CPNE4: variants seen among roughly 807,000 people sequenced by gnomAD.
The protein encoded by CPNE4 is copine 4, also known as copine-4.
Under a neutral mutation model 67.9 loss-of-function variants are expected in CPNE4, and 25 were observed. That is an observed-to-expected ratio of 0.37 (90% confidence interval 0.27 to 0.51). The LOEUF (loss-of-function observed/expected upper bound fraction) is 0.51. Ranked by LOEUF, CPNE4 falls within the 20% of genes least tolerant of loss-of-function variation. The probability of loss-of-function intolerance (pLI) is 0.93; values close to 1 mark genes in which losing one functional copy is unlikely to be tolerated. For synonymous variants in CPNE4, 242 were observed against 244.9 expected, an observed-to-expected ratio of 0.99 and a Z score of 0.11; for missense variants, 464 against 690.8, an observed-to-expected ratio of 0.67 and a Z score of 3.68.
At chr3:131,657,247 A>G (rs376659438) in intron 7 of CPNE4, among the ~76,000 whole-genome samples, 9 of 152,336 alleles carry the variant, frequency 5.9e-5, no homozygotes, top group African/African-American at 1.9e-4. Context: ...CCCTAAAGAC[A>G]TTAATTAATT....
At chr3:131,818,803 G>A (rs4092640) in intron 2 of CPNE4, among the ~76,000 whole-genome samples, 32,898 of 152,076 alleles carry the variant, frequency 0.22, 3,841 homozygotes, top group Admixed American at 0.33. Flanking sequence ...TTAAGTAAGT[G>A]GTAAAACCAG....
At chr3:131,652,218 A>G (rs2079831440) in intron 7 of CPNE4, among the ~76,000 whole-genome samples, 1 of 152,222 alleles carries the variant, frequency 6.6e-6, no homozygotes, top group Admixed American at 6.5e-5. Flanking sequence ...TGATAAACTC[A>G]TTTTAGAAAG....
At chr3:131,603,273 A>G (rs1939309564) in intron 7 of CPNE4, among the ~76,000 whole-genome samples, 6 of 152,222 alleles carry the variant, frequency 3.9e-5, no homozygotes, top group Admixed American at 3.9e-4. Context: ...TTAAACAGCA[A>G]TAAAGATGGG....
At chr3:131,792,032 G>C (rs1186469384) in intron 2 of CPNE4, among the ~76,000 whole-genome samples, 1 of 152,110 alleles carries the variant, frequency 6.6e-6, no homozygotes, top group Non-Finnish European at 1.5e-5. Flanking sequence ...ACTAGGACCA[G>C]AAAATGCCTA....
intron 1 of CPNE4, among the ~76,000 whole-genome samples, chr3:131,938,768 A>G (rs1424435298): frequency 2.0e-5 from 3 of 152,090 alleles, no homozygotes; most frequent in Admixed American, 2.0e-4. Flanking sequence ...CCCTCAACAC[A>G]TGAGGATTAC....
At chr3:131,719,544 C>T (rs1369239405) in intron 3 of CPNE4, among the ~76,000 whole-genome samples, 1 of 152,200 alleles carries the variant, frequency 6.6e-6, no homozygotes, top group Non-Finnish European at 1.5e-5. Flanking sequence ...TTGTTCACCC[C>T]ACTCCAGCCA....
intron 2 of CPNE4, among the ~76,000 whole-genome samples, chr3:131,836,651 T>C (rs1394519577): frequency 6.6e-6 from 1 of 152,184 alleles, no homozygotes; most frequent in Non-Finnish European, 1.5e-5. Flanking sequence ...TGTCTCTGCA[T>C]GACCAAGGAT....
At chr3:131,734,070 C>A (rs2082184115) in intron 2 of CPNE4, among the ~76,000 whole-genome samples, 1 of 152,182 alleles carries the variant, frequency 6.6e-6, no homozygotes. Flanking sequence ...CTCTCCTTCA[C>A]CAAGTCCTTT....
At chr3:131,711,542 C>T (rs2081557477) in intron 3 of CPNE4, among the ~76,000 whole-genome samples, 1 of 152,272 alleles carries the variant, frequency 6.6e-6, no homozygotes, top group South Asian at 2.1e-4. Context: ...CCACCCTGGG[C>T]TTACCTGGAT....
intron 1 of CPNE4, among the ~76,000 whole-genome samples, chr3:131,917,341 A>G (rs542083085): frequency 1.3e-5 from 2 of 152,204 alleles, no homozygotes; most frequent in African/African-American, 4.8e-5. Flanking sequence ...AAGATGTAGC[A>G]TGTGAGCCGA....
chr3:131,758,714 C>A lies in CPNE4; in HGVS notation c.181-35089G>T, dbSNP rs573131712. Among the ~76,000 whole-genome samples, 16 of 152,266 alleles carry A rather than the reference C, an allele frequency of 1.1e-4. No individual in the cohort carries two copies. In the East Asian group the frequency reaches 3.1e-3, roughly 29 times the overall value. On this transcript the variant is annotated intron_variant, in intron 2 of 15. Transcript: ENST00000429747. ...ACCCAAATCTAAACTTGAATTGAAT[C>A]TCCCAGAATTCCCACGTATTGTGGG...
Position 131,914,717 on chromosome 3 carries a change from C to G in CPNE4, c.-1-9273G>C, listed in dbSNP as rs143163111. Among the ~76,000 whole-genome samples the G allele has an allele frequency of 2.1e-3, 322 of 152,306 alleles. 1 individual carries two copies. The highest frequency in any genetic ancestry group is 7.2e-3 in the African/African-American group (301 of 41,572). The stretch of plus-strand genomic sequence containing the variant: ...TTCGGGTGGGCACGGTGGCTCACAC[C>G]TGTAATCCCAGCACTGTGGGAGGCC... On this transcript the variant is annotated intron_variant, in intron 1 of 15. Transcript: ENST00000429747.
chr3:131,999,139 GA>G (rs1436170141), intron 1 of CPNE4, among the ~76,000 whole-genome samples: 2 of 149,190 alleles, frequency 1.3e-5, no homozygotes, highest in Admixed American at 6.7e-5. Flanking sequence ...AACTAGTGCA[GA>G]GTAGTGTAAT....
At chr3:131,620,458 A>G (rs1329046076) in intron 7 of CPNE4, 9 of 985,216 alleles carry the variant, frequency 9.1e-6, no homozygotes, top group Non-Finnish European at 1.1e-5. Context: ...CATGTTCAGC[A>G]TAGATAAATG....
chr3:132,031,020 A>G (rs927320737), intron 1 of CPNE4, among the ~76,000 whole-genome samples: 1 of 152,218 alleles, frequency 6.6e-6, no homozygotes, highest in Non-Finnish European at 1.5e-5. Flanking sequence ...TGTAACCCCA[A>G]CCTAAATTAT....
chr3:131,595,653 C>A (rs1375168974), intron 7 of CPNE4, among the ~76,000 whole-genome samples: 1 of 152,136 alleles, frequency 6.6e-6, no homozygotes, highest in East Asian at 1.9e-4. Context: ...AGGAGCCAGA[C>A]TCTTTAACAA....
intron 1 of CPNE4, among the ~76,000 whole-genome samples, chr3:131,985,104 T>C (rs1177947982): frequency 2.6e-5 from 4 of 152,168 alleles, no homozygotes; most frequent in Non-Finnish European, 5.9e-5. Context: ...CCCTTCCAAG[T>C]TGCAGAGTGT....
chr3:131,795,560 T>C (rs930869274), intron 2 of CPNE4, among the ~76,000 whole-genome samples: 1 of 152,130 alleles, frequency 6.6e-6, no homozygotes, highest in South Asian at 2.1e-4. Context: ...CCCTCCCTTT[T>C]GTGGTTTTAA....
In CPNE4 at chr3:131,635,833, G is replaced by GAACATACCAGTAAAGCCAAGAGAATC. The variant is rs1202552516; in HGVS notation, c.681+33841_681+33842insGATTCTCTTGGCTTTACTGGTATGTT. ...ACTTTTGCTCCAAGAACTACTGCAG[G>GAACATACCAGTAAAGCCAAGAGAATC]CACTTTGGGAGGCCGAGGCGGGCGG... On this transcript the variant is annotated intron_variant, in intron 7 of 15. Transcript: ENST00000429747. Among the ~76,000 whole-genome samples, 115 of 130,786 alleles carry GAACATACCAGTAAAGCCAAGAGAATC rather than the reference G, an allele frequency of 8.8e-4. 7 individuals are homozygous for GAACATACCAGTAAAGCCAAGAGAATC. The highest frequency in any genetic ancestry group is 1.8e-3 in the African/African-American group (43 of 24,228). 85.8% of individuals were successfully genotyped at this position (130,786 alleles called of 152,430 possible). A position where few individuals can be genotyped will look rare whatever the true frequency, so the allele number is the denominator to read the frequency against.
Sources: allele counts gnomAD v4.1 joint callset (sites outside exome capture counted in the v4.1 genomes callset), GRCh38; gene constraint gnomAD v4.1.1; transcripts MANE v1.5; gene names NCBI Gene and HGNC (gene_info 2026-07-23, HGNC 2026-07-21).